AHI1: variants seen among roughly 807,000 people sequenced by gnomAD.
AHI1 encodes jouberin.
Under a neutral mutation model 149.3 loss-of-function variants are expected in AHI1, and 123 were observed. The ratio of observed to expected loss-of-function variants is 0.82; its 90% CI spans 0.71 to 0.96. AHI1 has a LOEUF of 0.96. Among genes scored for constraint, AHI1 ranks in the 40% least tolerant of loss-of-function variants. AHI1 has a pLI of 0.00. For synonymous variants in AHI1, 475 were observed against 459.8 expected (o/e 1.03, Z -0.42); for missense variants, 1,439 against 1,422.7 (o/e 1.01, Z -0.18).
intron 24 of AHI1, 194 bp from the exon 25 acceptor site, chr6:135,323,518 G>T: frequency 2.3e-6 from 1 of 441,910 alleles, no homozygotes. Context: ...AAAGACTGTG[G>T]GATTGAGAAA....
intron 27 of AHI1, among the ~76,000 whole-genome samples, chr6:135,295,459 T>A (rs376439216): frequency 6.6e-6 from 1 of 152,086 alleles, no homozygotes; most frequent in African/African-American, 2.4e-5. Flanking sequence ...TTCAGTGATA[T>A]GATGTTAAAC....
At chr6:135,329,697 A>G (rs1788242677) in intron 24 of AHI1, among the ~76,000 whole-genome samples, 1 of 152,216 alleles carries the variant, frequency 6.6e-6, no homozygotes, top group South Asian at 2.1e-4. Context: ...TAAGAAATGT[A>G]TTTCTTAAGT....
rs761238509 is a variant in AHI1, at chr6:135,438,483, G to A, written c.1928C>T (p.Ser643Phe). 8 of 1,546,756 alleles carry A rather than the reference G, an allele frequency of 5.2e-6. No homozygotes were observed. The highest frequency in any genetic ancestry group is 7.0e-6 in the Non-Finnish European group (8 of 1,143,686). ...ACACAATTCTCTCATGAAACGTCCA[G>A]AAGGAATTTCATATACTAATGAAAA... ...GYPIILYEIPSGRFMRELCGH... is the reference protein window; with the variant it reads ...GYPIILYEIPFGRFMRELCGH... The change falls in exon 15 of 29, where the codon TCT becomes TTT. Residue 643 changes from serine (S) to phenylalanine (F), a missense_variant. By Grantham distance (155) the Ser-to-Phe change is radical. Coordinates refer to ENST00000265602, the MANE Select transcript of AHI1 (RefSeq NM_001134831.2).
intron 22 of AHI1, among the ~76,000 whole-genome samples, chr6:135,396,118 G>A (rs944108795): frequency 1.3e-5 from 2 of 151,680 alleles, no homozygotes; most frequent in African/African-American, 4.8e-5. Context: ...AAGACCATAT[G>A]TTAATATGGT....
At chr6:135,366,801 T>C (rs1171280739) in intron 23 of AHI1, among the ~76,000 whole-genome samples, 2 of 152,196 alleles carry the variant, frequency 1.3e-5, no homozygotes, top group Non-Finnish European at 2.9e-5. Flanking sequence ...TGATCTTTGT[T>C]ATTTTTTCTC....
At chr6:135,450,488 G>A (rs1335729847) in intron 11 of AHI1, among the ~76,000 whole-genome samples, 1 of 152,126 alleles carries the variant, frequency 6.6e-6, no homozygotes, top group East Asian at 1.9e-4. Flanking sequence ...CTGAGCGGGT[G>A]ACATTGTGAT....
At chr6:135,298,080 A>T (rs1263978330) in intron 27 of AHI1, among the ~76,000 whole-genome samples, 1 of 152,212 alleles carries the variant, frequency 6.6e-6, no homozygotes, top group Non-Finnish European at 1.5e-5. Flanking sequence ...ACTATGGAAC[A>T]TTAATACTAC....
intron 23 of AHI1, among the ~76,000 whole-genome samples, chr6:135,364,188 A>G (rs1294417358): frequency 6.7e-6 from 1 of 149,632 alleles, no homozygotes; most frequent in African/African-American, 2.5e-5. Context: ...GGCGGTTGCC[A>G]GGCAGAGGGT....
chr6:135,300,408 A>G, intron 27 of AHI1, 92 bp downstream of exon 27: 7 of 1,258,528 alleles, frequency 5.6e-6, no homozygotes, highest in Non-Finnish European at 6.4e-6. Context: ...TTATAGTTTG[A>G]TAATGTTATA....
Position 135,411,454 on chromosome 6 carries a change from C to G in AHI1, c.2855G>C (p.Cys952Ser). The G allele has an allele frequency of 6.2e-7, 1 of 1,613,730 alleles. No individual in the cohort carries two copies. Among genetic ancestry groups the G allele is most frequent in the Non-Finnish European group, 8.5e-7 (1 of 1,179,738 alleles). The change falls in exon 21 of 29, where the codon TGT (cysteine) becomes TCT (serine). Residue 952 changes from cysteine to serine, a missense_variant. Physicochemically the swap from Cys to Ser is moderately radical, Grantham distance 112. Coordinates refer to ENST00000265602, the MANE Select transcript of AHI1 (RefSeq NM_001134831.2). The stretch of plus-strand genomic sequence containing the variant: ...AGAGCCTTGATGGGGTAGTTTTGGA[C>G]AGGTACATAGGGCATCTTGACTTTG... ...IHQSQDALCT[C>S]PKLPHQGSFQ...
intron 26 of AHI1, chr6:135,302,713 C>T: frequency 5.6e-6 from 7 of 1,259,040 alleles, no homozygotes; most frequent in Non-Finnish European, 6.1e-6. Context: ...TTTACTCACT[C>T]ATTCCTTGGT....
intron 24 of AHI1, among the ~76,000 whole-genome samples, chr6:135,357,088 A>ACG (rs1447726758): frequency 2.6e-5 from 4 of 152,098 alleles, no homozygotes; most frequent in Admixed American, 6.5e-5. Flanking sequence ...ACAGGCATGC[A>ACG]CCACCATGCC....
Position 135,411,421 on chromosome 6 carries a change from A to G in AHI1, c.2888T>C (p.Ile963Thr), listed in dbSNP as rs1781575453. 6.2e-7 allele frequency: 1 copy of G among 1,613,754 alleles called. No homozygotes were observed. Among genetic ancestry groups the G allele is most frequent in the African/African-American group, 1.3e-5 (1 of 74,934 alleles). The change falls in exon 21 of 29, where the codon ATT becomes ACT. Residue 963 changes from isoleucine (I) to threonine (T), a missense_variant. By Grantham distance (89) the Ile-to-Thr change is moderately conservative (BLOSUM62 -1). Transcript: ENST00000265602. The part of the protein sequence containing the change: ...PKLPHQGSFQ[I>T]DEFVHTESSS... ...ACTTTCAGTGTGGACAAATTCATCA[A>G]TCTGAAAAGAGCCTTGATGGGGTAG...
rs570208386 is a variant in AHI1 at position 135,441,257 on chromosome 6, A to T, written c.1912+1325T>A. Among the ~76,000 whole-genome samples the T allele has an allele frequency of 1.4e-4, 22 of 152,304 alleles. 1 individual carries two copies. The South Asian group carries it at 4.6e-3, about 32-fold the overall frequency. On this transcript the variant is annotated intron_variant, in intron 14 of 28. Transcript: ENST00000265602. Reference sequence around the variant, plus strand: ...ACTGAAAGAATTACTAAATTTGACAACAGGTCAACTGAGATTATCCAGTCT... The same window carrying T: ...ACTGAAAGAATTACTAAATTTGACATCAGGTCAACTGAGATTATCCAGTCT...
chr6:135,295,031 T>C (rs972180298), intron 27 of AHI1, among the ~76,000 whole-genome samples: 23 of 152,232 alleles, frequency 1.5e-4, no homozygotes, highest in African/African-American at 5.5e-4. Flanking sequence ...AATCACATAG[T>C]TGATAAAGAA....
At chr6:135,359,493 AT>A (rs899481652) in intron 23 of AHI1, among the ~76,000 whole-genome samples, 1 of 152,006 alleles carries the variant, frequency 6.6e-6, no homozygotes, top group African/African-American at 2.4e-5. Context: ...TTTTGGGTTA[AT>A]TTTTTTTCAA....
chr6:135,330,697 G>A (rs967673974), intron 24 of AHI1, among the ~76,000 whole-genome samples: 18 of 152,134 alleles, frequency 1.2e-4, no homozygotes, highest in African/African-American at 4.3e-4. Flanking sequence ...TCCACATGCC[G>A]GCAGCCGAAT....
chr6:135,481,562 T>G (rs1416947425), intron 5 of AHI1, among the ~76,000 whole-genome samples: 1 of 151,976 alleles, frequency 6.6e-6, no homozygotes, highest in Admixed American at 6.5e-5. Context: ...ATAAATCCTA[T>G]TAAAAAAACC....
At chr6:135,341,186 A>G (rs1156882073) in intron 24 of AHI1, among the ~76,000 whole-genome samples, 1 of 152,088 alleles carries the variant, frequency 6.6e-6, no homozygotes, top group Non-Finnish European at 1.5e-5. Context: ...TGGATAAAAT[A>G]AATAATCCAA....
Sources: allele counts gnomAD v4.1 joint callset (sites outside exome capture counted in the v4.1 genomes callset), GRCh38; gene constraint gnomAD v4.1.1; transcripts MANE v1.5; gene names NCBI Gene and HGNC (gene_info 2026-07-23, HGNC 2026-07-21).